FAF1: variants seen among roughly 807,000 people sequenced by gnomAD.
FAF1 encodes FAS-associated factor 1.
In FAF1, 25 loss-of-function variants were observed where a neutral mutation model predicts 92.5. The observed-to-expected ratio is 0.27, with a 90% CI of 0.20 to 0.38. The LOEUF is 0.38. FAF1 is among the 10% of genes least tolerant of loss of function. FAF1 has a pLI of 1.00. For missense variants in FAF1, 636 were observed against 793.3 expected (o/e 0.80, Z 2.38); for synonymous variants, 234 against 273.2 (o/e 0.86, Z 1.42).
chr1:50,835,528 G>A (rs1026688343), intron 2 of FAF1, among the ~76,000 whole-genome samples: 2 of 130,770 alleles, frequency 1.5e-5, no homozygotes, highest in African/African-American at 3.0e-5. Flanking sequence ...CCGACATTGC[G>A]CCACTGCACT....
At position 50,935,036 on chromosome 1, in the gene FAF1, A is replaced by C. The variant is rs146406296; in HGVS notation, c.45+24731T>G. ...CATTAAACCTACTTGGTATTCACTAAGCTTCTTAAATCTGTATATTTATGT... is the reference window on the plus strand; with the variant it reads ...CATTAAACCTACTTGGTATTCACTACGCTTCTTAAATCTGTATATTTATGT... On this transcript the variant is annotated intron_variant, in intron 1 of 18. Transcript: ENST00000396153. Among the ~76,000 whole-genome samples, 532 of 152,300 alleles carry C rather than the reference A, an allele frequency of 3.5e-3. 14 individuals carry two copies. The highest frequency in any genetic ancestry group is 0.021 in the Admixed American group (318 of 15,300).
chr1:50,744,235 T>G (rs1659502270), intron 5 of FAF1, among the ~76,000 whole-genome samples: 1 of 152,232 alleles, frequency 6.6e-6, no homozygotes. Context: ...CATCCTTATT[T>G]AAATTCTCCA....
intron 1 of FAF1, among the ~76,000 whole-genome samples, chr1:50,949,358 C>A (rs142075777): frequency 3.3e-5 from 5 of 152,350 alleles, no homozygotes; most frequent in African/African-American, 1.2e-4. Context: ...AAATTCTTTA[C>A]TATCGGGCGA....
rs1040959183 is a variant in FAF1 at position 50,606,014 on chromosome 1, G to T, written c.745-9798C>A. Among the ~76,000 whole-genome samples the T allele has an allele frequency of 4.6e-5, 7 of 152,112 alleles. No homozygotes were observed. In the South Asian group the frequency reaches 1.2e-3, roughly 27 times the overall value. ...TCTCAGTTTCCTTGTCTGAGAAATG[G>T]GAATAATATCTTTGTTGACAGCAAT... On this transcript the variant is annotated intron_variant, in intron 8 of 18. Coordinates refer to ENST00000396153, the MANE Select transcript of FAF1 (RefSeq NM_007051.3).
intron 1 of FAF1, among the ~76,000 whole-genome samples, chr1:50,923,047 A>G (rs1211748961): frequency 6.6e-6 from 1 of 152,156 alleles, no homozygotes; most frequent in Non-Finnish European, 1.5e-5. Context: ...CTAGATACAG[A>G]TAACTACCAA....
At chr1:50,447,376 C>T (rs200690596) in intron 18 of FAF1, among the ~76,000 whole-genome samples, 8 of 152,106 alleles carry the variant, frequency 5.3e-5, no homozygotes, top group Non-Finnish European at 1.2e-4. Context: ...CCGCCCGCCT[C>T]GGCCTCCCAA....
chr1:50,554,390 T>TATAGAGAGAGAG, intron 13 of FAF1, among the ~76,000 whole-genome samples: 9 of 93,684 alleles, frequency 9.6e-5, no homozygotes, highest in East Asian at 3.1e-4. Flanking sequence ...TATATATATA[T>TATAGAGAGAGAG]AGAGAGAGAG....
At chr1:50,754,788 G>A (rs1446271296) in intron 4 of FAF1, among the ~76,000 whole-genome samples, 1 of 152,114 alleles carries the variant, frequency 6.6e-6, no homozygotes, top group South Asian at 2.1e-4. Context: ...GGTTGGGGAG[G>A]CCCTATAATC....
At chr1:50,618,107 CTT>C (rs951296433) in intron 8 of FAF1, among the ~76,000 whole-genome samples, 2 of 152,058 alleles carry the variant, frequency 1.3e-5, no homozygotes, top group Non-Finnish European at 2.9e-5. Flanking sequence ...AGAGCCAACT[CTT>C]GTTTTCATCT....
intron 13 of FAF1, among the ~76,000 whole-genome samples, chr1:50,540,863 C>T (rs566219699): frequency 6.6e-6 from 1 of 152,248 alleles, no homozygotes; most frequent in African/African-American, 2.4e-5. Flanking sequence ...AGTGGAAATT[C>T]TGGGGACTAG....
chr1:50,695,433 C>G (rs180903343), intron 7 of FAF1, among the ~76,000 whole-genome samples: 1 of 151,526 alleles, frequency 6.6e-6, no homozygotes, highest in East Asian at 1.9e-4. Context: ...GTATTAACAT[C>G]TAAAGGAGGC....
intron 7 of FAF1, among the ~76,000 whole-genome samples, chr1:50,693,302 T>C (rs1472189892): frequency 6.6e-6 from 1 of 152,166 alleles, no homozygotes; most frequent in Non-Finnish European, 1.5e-5. Flanking sequence ...CCCAGCACCA[T>C]ATGTTGAATT....
intron 14 of FAF1, among the ~76,000 whole-genome samples, chr1:50,536,800 T>C (rs909575023): frequency 6.6e-6 from 1 of 152,176 alleles, no homozygotes; most frequent in Non-Finnish European, 1.5e-5. Context: ...AATAAATGAA[T>C]AAGTGAATAA....
intron 4 of FAF1, among the ~76,000 whole-genome samples, chr1:50,782,983 GT>G (rs200610125): frequency 0.013 from 2,042 of 151,314 alleles, 40 homozygotes; most frequent in African/African-American, 0.048. Flanking sequence ...AATACTGAGT[GT>G]TTTTTTTAAA....
intron 2 of FAF1, among the ~76,000 whole-genome samples, chr1:50,851,619 A>C (rs1644349663): frequency 6.6e-6 from 1 of 152,218 alleles, no homozygotes; most frequent in Non-Finnish European, 1.5e-5. Flanking sequence ...GTTCTGCTAG[A>C]TGATTAACAC....
At chr1:50,891,119 A>G (rs1644716280) in intron 1 of FAF1, among the ~76,000 whole-genome samples, 1 of 152,126 alleles carries the variant, frequency 6.6e-6, no homozygotes, top group Non-Finnish European at 1.5e-5. Context: ...TTGGTCTTCA[A>G]TCACTGATAT....
intron 1 of FAF1, among the ~76,000 whole-genome samples, chr1:50,903,258 A>G (rs1419861031): frequency 1.3e-5 from 2 of 152,180 alleles, no homozygotes; most frequent in Non-Finnish European, 1.5e-5. Context: ...TATTTCATTA[A>G]CTAAAGCCTT....
intron 17 of FAF1, among the ~76,000 whole-genome samples, chr1:50,478,289 G>T (rs1165679429): frequency 6.6e-6 from 1 of 151,526 alleles, no homozygotes; most frequent in South Asian, 2.1e-4. Flanking sequence ...TCAGCCTCCC[G>T]AGTAGCTGGG....
chr1:50,484,262 G>A (rs1434426041), intron 17 of FAF1, among the ~76,000 whole-genome samples: 2 of 151,990 alleles, frequency 1.3e-5, no homozygotes, highest in African/African-American at 2.4e-5. Flanking sequence ...AAGTAAGTAA[G>A]GCAAATGATC....
Sources: gnomAD v4.1 joint callset for allele counts (sites outside exome capture counted in the v4.1 genomes callset) on GRCh38, gnomAD v4.1.1 for gene constraint, MANE v1.5 for transcripts, NCBI Gene and HGNC (gene_info 2026-07-23, HGNC 2026-07-21) for gene names.